Variants in WFDC9 observed in about 807,000 individuals in gnomAD.
The protein encoded by WFDC9 is protein WFDC9.
WFDC9 carries 9 observed loss-of-function variants against 9.5 expected under a neutral mutation model. That is an observed-to-expected ratio of 0.95 (90% CI 0.57 to 1.65). The LOEUF is 1.65. Among genes scored for constraint, WFDC9 ranks in the 40% most tolerant of loss-of-function variants. The pLI is 0.00. For missense variants in WFDC9, 87 were observed against 106.7 expected, an observed-to-expected ratio of 0.82 and a Z score of 0.81; for synonymous variants, 33 against 32.3, an observed-to-expected ratio of 1.02 and a Z score of -0.07.
chr20:45,617,078 A>ATG (rs1261607357), intron 1 of WFDC9, among the ~76,000 whole-genome samples: 1 of 152,136 alleles, frequency 6.6e-6, no homozygotes, highest in Non-Finnish European at 1.5e-5. Context: ...TGAAAATCTG[A>ATG]TGTCTATTGT....
intron 1 of WFDC9, among the ~76,000 whole-genome samples, chr20:45,622,842 T>C (rs996991391): frequency 1.3e-5 from 2 of 152,212 alleles, no homozygotes; most frequent in Non-Finnish European, 2.9e-5. Context: ...AAACATTTCA[T>C]GTAAATGTGA....
At chr20:45,630,784 G>T in intron 1 of WFDC9, 1 of 1,415,302 alleles carries the variant, frequency 7.1e-7, no homozygotes, top group Non-Finnish European at 9.3e-7. Context: ...TGAGACCTGG[G>T]TTCAAGGGTC....
chr20:45,629,621 C>T, intron 1 of WFDC9: 1 of 535,082 alleles, frequency 1.9e-6, no homozygotes, highest in Non-Finnish European at 3.2e-6. Flanking sequence ...AGCCCTATCC[C>T]ACATGACGAA....
At chr20:45,616,842 C>G (rs1981985585) in intron 1 of WFDC9, among the ~76,000 whole-genome samples, 1 of 152,130 alleles carries the variant, frequency 6.6e-6, no homozygotes, top group Non-Finnish European at 1.5e-5. Context: ...TTTGCTGTTT[C>G]ATTTATAGAG....
intron 1 of WFDC9, among the ~76,000 whole-genome samples, chr20:45,630,235 TTTG>T (rs10535329): frequency 0.35 from 53,390 of 151,804 alleles, 9,449 homozygotes; most frequent in Middle Eastern, 0.44. Flanking sequence ...TTTATGCACA[TTTG>T]TGAGGAGTAA....
intron 1 of WFDC9, 171 bp downstream of exon 1, chr20:45,631,032 C>T: frequency 1.3e-6 from 2 of 1,582,872 alleles, no homozygotes; most frequent in Non-Finnish European, 8.6e-7. Flanking sequence ...GGAGAGTGGG[C>T]TGGGATGTGC....
intron 1 of WFDC9, among the ~76,000 whole-genome samples, chr20:45,627,701 A>G (rs1344835593): frequency 6.6e-6 from 1 of 152,068 alleles, no homozygotes; most frequent in East Asian, 1.9e-4. Context: ...CTCTCCAACA[A>G]CCTCTAAGTG....
intron 2 of WFDC9, among the ~76,000 whole-genome samples, chr20:45,612,471 A>T (rs2145595720): frequency 6.6e-6 from 1 of 152,320 alleles, no homozygotes; most frequent in Non-Finnish European, 1.5e-5. Context: ...AAATGCATAG[A>T]TGGTAATCAG....
intron 1 of WFDC9, among the ~76,000 whole-genome samples, chr20:45,622,601 ATT>A (rs1221595138): frequency 6.6e-6 from 1 of 152,184 alleles, no homozygotes; most frequent in African/African-American, 2.4e-5. Flanking sequence ...TCCCTGAAAC[ATT>A]TGAGAGTCAG....
At chr20:45,619,146 T>A (rs547839266) in intron 1 of WFDC9, among the ~76,000 whole-genome samples, 1 of 152,176 alleles carries the variant, frequency 6.6e-6, no homozygotes, top group Admixed American at 6.5e-5. Flanking sequence ...CCTAGAGTGA[T>A]TGAATTATGG....
intron 1 of WFDC9, among the ~76,000 whole-genome samples, chr20:45,630,562 C>T (rs1299952120): frequency 1.3e-5 from 2 of 152,122 alleles, no homozygotes; most frequent in Non-Finnish European, 2.9e-5. Flanking sequence ...ACTGTAGATT[C>T]TTTGGTGGTG....
intron 1 of WFDC9, among the ~76,000 whole-genome samples, chr20:45,624,669 T>C (rs1332614325): frequency 6.6e-6 from 1 of 152,222 alleles, no homozygotes; most frequent in Non-Finnish European, 1.5e-5. Context: ...ACTGTACTAA[T>C]TTATATTCCC....
chr20:45,610,423 T>C (rs1465159186), intron 2 of WFDC9, among the ~76,000 whole-genome samples, 184 bp from the exon 3 acceptor site: 1 of 152,212 alleles, frequency 6.6e-6, no homozygotes, highest in African/African-American at 2.4e-5. Context: ...TTTGCAAAAT[T>C]ATTTCTTATT....
chr20:45,627,786 C>CT (rs1242323259), intron 1 of WFDC9, among the ~76,000 whole-genome samples: 2 of 152,000 alleles, frequency 1.3e-5, no homozygotes, highest in African/African-American at 2.4e-5. Flanking sequence ...GAGTAATTGT[C>CT]TTTTTTTAGA....
intron 2 of WFDC9, among the ~76,000 whole-genome samples, chr20:45,613,959 A>G (rs1008627081): frequency 1.3e-5 from 2 of 152,200 alleles, no homozygotes; most frequent in African/African-American, 2.4e-5. Flanking sequence ...AACCCTTTGC[A>G]TAAAGAAGGA....
Position 45,608,065 on chromosome 20 carries a change from C to T in WFDC9, c.*45G>A. On this transcript the variant is annotated 3_prime_UTR_variant, in exon 5 of 5. Transcript: ENST00000326000. Reference sequence around the variant, plus strand: ...GAAGTAGGCAGCACTCTTCTTAGACCAGATGGTCATCCTTCAGCCCACAGT... The same window carrying T: ...GAAGTAGGCAGCACTCTTCTTAGACTAGATGGTCATCCTTCAGCCCACAGT... The T allele has an allele frequency of 1.2e-6, 2 of 1,611,038 alleles. No individual in the cohort carries two copies. The highest frequency in any genetic ancestry group is 1.7e-6 in the Non-Finnish European group (2 of 1,177,882).
intron 1 of WFDC9, among the ~76,000 whole-genome samples, chr20:45,617,228 AG>A (rs1208074427): frequency 2.6e-5 from 4 of 152,182 alleles, no homozygotes; most frequent in African/African-American, 9.7e-5. Flanking sequence ...AGGCCAAAGC[AG>A]GCAGATCACA....
At chr20:45,620,495 G>A (rs1387246265) in intron 1 of WFDC9, among the ~76,000 whole-genome samples, 3 of 152,154 alleles carry the variant, frequency 2.0e-5, no homozygotes, top group African/African-American at 7.2e-5. Flanking sequence ...GGGAGGCTGA[G>A]GCATGAGAAT....
At chr20:45,625,807 C>CTTCTTTTTTTTTTTTT (rs1982204690) in intron 1 of WFDC9, among the ~76,000 whole-genome samples, 2 of 46,416 alleles carry the variant, frequency 4.3e-5, no homozygotes, top group African/African-American at 9.7e-5. Flanking sequence ...GTTCTCTATT[C>CTTCTTTTTTTTTTTTT]TTTTTTTTTT....
Sources: allele counts gnomAD v4.1 joint callset (sites outside exome capture counted in the v4.1 genomes callset), GRCh38; gene constraint gnomAD v4.1.1; transcripts MANE v1.5; gene names NCBI Gene and HGNC (gene_info 2026-07-23, HGNC 2026-07-21).